Variants in JMJD1C observed in about 807,000 individuals in gnomAD.
JMJD1C encodes jumonji domain-containing protein 1C.
JMJD1C carries 31 observed loss-of-function variants against 245.3 expected under a neutral mutation model. The ratio of observed to expected loss-of-function variants is 0.13; its 90% CI spans 0.09 to 0.17. The LOEUF (loss-of-function observed/expected upper bound fraction) is 0.17, where lower values mean the gene tolerates loss of function less well. Among genes scored for constraint, JMJD1C ranks in the 10% least tolerant of loss-of-function variants. The probability of loss-of-function intolerance (pLI) is 1.00; values close to 1 mark genes in which losing one functional copy is unlikely to be tolerated. For missense variants in JMJD1C, 2,691 were observed against 3,000.2 expected (o/e 0.90, Z 2.41); for synonymous variants, 1,057 against 1,017.4 (o/e 1.04, Z -0.74).
intron 8 of JMJD1C, 23 bp downstream of exon 8, chr10:63,213,450 T>C: frequency 7.1e-7 from 1 of 1,402,144 alleles, no homozygotes; most frequent in Non-Finnish European, 1.0e-6. Context: ...TACTGCTATG[T>C]GGCAAACTAC....
chr10:63,423,757 T>C (rs189944502), intron 1 of JMJD1C, among the ~76,000 whole-genome samples: 3 of 152,354 alleles, frequency 2.0e-5, no homozygotes, highest in Admixed American at 2.0e-4. Flanking sequence ...TACGTTCCCA[T>C]CATCAATGTA....
At chr10:63,306,262 G>T (rs925589817) in intron 2 of JMJD1C, among the ~76,000 whole-genome samples, 2 of 151,918 alleles carry the variant, frequency 1.3e-5, no homozygotes, top group Non-Finnish European at 2.9e-5. Flanking sequence ...GCTAATTTTT[G>T]TATTTTTAGT....
rs150739521 is a variant in JMJD1C, at chr10:63,191,681, C to G, written c.6077-573G>C. Among the ~76,000 whole-genome samples, 60 of 152,068 alleles carry G rather than the reference C, an allele frequency of 3.9e-4. No homozygotes were observed. In the East Asian group the frequency reaches 7.8e-3, roughly 20 times the overall value. On this transcript the variant is annotated intron_variant, in intron 16 of 25. Transcript: ENST00000399262. ...CAAATGAAAAACACTACAGCAAAGA[C>G]AGGTAGAAAATACAGGTAAGTGGCC...
At chr10:63,451,925 A>C (rs1041725375) in intron 1 of JMJD1C, among the ~76,000 whole-genome samples, 2 of 152,260 alleles carry the variant, frequency 1.3e-5, no homozygotes, top group Admixed American at 6.5e-5. Flanking sequence ...TTTACACCAT[A>C]CACAAAAGTC....
At chr10:63,425,360 T>C (rs1950378189) in intron 1 of JMJD1C, among the ~76,000 whole-genome samples, 1 of 152,194 alleles carries the variant, frequency 6.6e-6, no homozygotes, top group South Asian at 2.1e-4. Flanking sequence ...AATTCAGTGG[T>C]AGTTTAGATC....
chr10:63,454,818 C>G (rs1169399323), intron 1 of JMJD1C, among the ~76,000 whole-genome samples: 1 of 152,208 alleles, frequency 6.6e-6, no homozygotes, highest in African/African-American at 2.4e-5. Flanking sequence ...ATGAATATGG[C>G]TGACTGTATC....
In JMJD1C at chr10:63,264,678, A is replaced by G; in HGVS notation, c.420T>C (p.Thr140=). The part of the protein sequence containing the change: ...FLVDKQLDFL[T]EDSAFQPYQD... ...GGTAGGGCTGAAAGGCACTATCTTC[A>G]GTTAAAAAATCCAGTTGCTTATCTA... is the stretch of plus-strand genomic sequence containing the variant. Residue 140 remains threonine, a synonymous_variant, in exon 3 of 26, where the codon ACT becomes ACC. Transcript: ENST00000399262. The G allele has an allele frequency of 6.4e-7, 1 of 1,570,858 alleles. No individual in the cohort carries two copies. Among genetic ancestry groups the G allele is most frequent in the Non-Finnish European group, 8.7e-7 (1 of 1,150,484 alleles).
intron 1 of JMJD1C, among the ~76,000 whole-genome samples, chr10:63,381,007 A>C (rs7899910): frequency 6.6e-6 from 1 of 152,242 alleles, no homozygotes; most frequent in Admixed American, 6.5e-5. Flanking sequence ...CACGATAATG[A>C]AATCAACCTA....
intron 1 of JMJD1C, among the ~76,000 whole-genome samples, chr10:63,519,002 T>C (rs546785060): frequency 1.1e-4 from 16 of 152,306 alleles, no homozygotes; most frequent in Admixed American, 6.5e-4. Flanking sequence ...TCACTTTCCA[T>C]GGTACCAAAA....
intron 2 of JMJD1C, among the ~76,000 whole-genome samples, chr10:63,379,973 C>G (rs993137698): frequency 6.6e-6 from 1 of 151,388 alleles, no homozygotes; most frequent in Non-Finnish European, 1.5e-5. Context: ...TGGGGTCTCA[C>G]TCTGTTACTC....
intron 1 of JMJD1C, among the ~76,000 whole-genome samples, chr10:63,482,052 C>G (rs1024752967): frequency 1.3e-5 from 2 of 152,074 alleles, no homozygotes; most frequent in Admixed American, 6.6e-5. Flanking sequence ...TAGTAAGTCC[C>G]CACTTAATGT....
At chr10:63,415,491 A>G (rs1443699677) in intron 1 of JMJD1C, among the ~76,000 whole-genome samples, 1 of 152,216 alleles carries the variant, frequency 6.6e-6, no homozygotes, top group Non-Finnish European at 1.5e-5. Context: ...ATGTGGATTC[A>G]GCAAAACTTT....
chr10:63,192,189 T>TA (rs1176055743), intron 16 of JMJD1C, among the ~76,000 whole-genome samples: 1 of 143,342 alleles, frequency 7.0e-6, no homozygotes, highest in Non-Finnish European at 1.5e-5. Context: ...GAAGACGAGG[T>TA]AGACTGCTTG....
chr10:63,444,772 C>A (rs974736221), intron 1 of JMJD1C, among the ~76,000 whole-genome samples: 20 of 152,068 alleles, frequency 1.3e-4, no homozygotes, highest in African/African-American at 4.6e-4. Context: ...ATTACAGGTG[C>A]CCACCACCAC....
chr10:63,271,190 T>G (rs1380288011), intron 2 of JMJD1C, among the ~76,000 whole-genome samples: 1 of 152,152 alleles, frequency 6.6e-6, no homozygotes, highest in African/African-American at 2.4e-5. Context: ...TTCTTTTTTT[T>G]TCTGAGACAG....
intron 1 of JMJD1C, among the ~76,000 whole-genome samples, chr10:63,405,621 C>A (rs1949123430): frequency 6.6e-6 from 1 of 152,136 alleles, no homozygotes; most frequent in Non-Finnish European, 1.5e-5. Flanking sequence ...CAGCGCCCAG[C>A]CCCACATGTA....
chr10:63,353,347 A>T (rs984049800), intron 2 of JMJD1C, among the ~76,000 whole-genome samples: 1 of 152,224 alleles, frequency 6.6e-6, no homozygotes, highest in Non-Finnish European at 1.5e-5. Flanking sequence ...TCATAAGGCT[A>T]CAAAGGGAAG....
chr10:63,217,194 TG>T lies in JMJD1C; in HGVS notation c.678+12del. 2 of 1,596,418 alleles carry T rather than the reference TG, an allele frequency of 1.3e-6. No homozygotes were observed. Among genetic ancestry groups the T allele is most frequent in the African/African-American group, 2.7e-5 (2 of 74,134 alleles). On this transcript the variant is annotated intron_variant, in intron 5 of 25. Coordinates refer to ENST00000399262, the MANE Select transcript of JMJD1C (RefSeq NM_032776.3). ...TTTAAAATCTCTATAAAAATATTAGTGGAACTATTTACCTGATCATTCATAA... is the reference window on the plus strand; with the variant it reads ...TTTAAAATCTCTATAAAAATATTAGTGAACTATTTACCTGATCATTCATAA...
chr10:63,468,629 T>C (rs138408932), upstream of JMJD1C, among the ~76,000 whole-genome samples: 9 of 152,344 alleles, frequency 5.9e-5, no homozygotes, highest in East Asian at 9.6e-4. Context: ...AGTTTACTTA[T>C]AGAAGCTGAA....
Sources: gnomAD v4.1 joint callset for allele counts (sites outside exome capture counted in the v4.1 genomes callset) on GRCh38, gnomAD v4.1.1 for gene constraint, MANE v1.5 for transcripts, NCBI Gene and HGNC (gene_info 2026-07-23, HGNC 2026-07-21) for gene names.